Variants in NOP9 observed in about 807,000 individuals in gnomAD.
NOP9 encodes the protein NOP9 nucleolar protein.
Under a neutral mutation model 63.0 loss-of-function variants are expected in NOP9, and 50 were observed. That is an observed-to-expected ratio of 0.79 (90% CI 0.63 to 1.00). The LOEUF (loss-of-function observed/expected upper bound fraction) is 1.00, where lower values mean the gene tolerates loss of function less well. NOP9 is among the 50% of genes least tolerant of loss of function. NOP9 has a pLI of 0.00. For missense variants in NOP9, 758 were observed against 803.0 expected, an observed-to-expected ratio of 0.94 and a Z score of 0.68; for synonymous variants, 343 against 332.8, an observed-to-expected ratio of 1.03 and a Z score of -0.33.
At chr14:24,272,632 A>T in the NOP9 span, among the ~76,000 whole-genome samples, 1 of 152,202 alleles carries the variant, frequency 6.6e-6, no homozygotes. Flanking sequence ...TCTGTGCCTA[A>T]AAGTGCTGAG....
At chr14:24,303,235 A>G (rs767862721) in intron 6 of NOP9, 21 bp downstream of exon 6, 1 of 1,613,896 alleles carries the variant, frequency 6.2e-7, no homozygotes, top group South Asian at 1.1e-5. Context: ...ATTACCCACA[A>G]TCTGTTTATG....
Position 24,306,813 on chromosome 14 carries a change from G to A in NOP9, c.*1718G>A, listed in dbSNP as rs976210585. On this transcript the variant is annotated 3_prime_UTR_variant, in exon 10 of 10. Coordinates refer to ENST00000267425, the MANE Select transcript of NOP9 (RefSeq NM_174913.3). ...ATTGGAAAGCAAGCCAGGTTCTCAC[G>A]AAGTCCACCCTTCTGTCTTATCTAC... 2.2e-5 allele frequency: 10 copies of A among 458,378 alleles called. No homozygotes were observed. Among genetic ancestry groups the A allele is most frequent in the African/African-American group, 2.0e-4 (10 of 50,800 alleles). 28.4% of individuals were successfully genotyped at this position (458,378 alleles called of 1,614,324 possible).
At position 24,300,132 on chromosome 14, in the gene NOP9, G is replaced by A; in HGVS notation, c.178G>A (p.Glu60Lys). ...APDSHPHLSP[E>K]ALGYFRRALS... Reference sequence around the variant, plus strand: ...AGATTCGCACCCGCACCTGAGCCCGGAAGCTCTGGGATATTTCCGCCGGGC... The same window carrying A: ...AGATTCGCACCCGCACCTGAGCCCGAAAGCTCTGGGATATTTCCGCCGGGC... Residue 60 changes from glutamate to lysine, a missense_variant, in exon 1 of 10, where the codon GAA (glutamate) becomes AAA (lysine). Glu to Lys is a moderately conservative substitution (Grantham distance 56, BLOSUM62 1). Coordinates refer to ENST00000267425, the MANE Select transcript of NOP9 (RefSeq NM_174913.3). 1 of 1,613,918 alleles carries A rather than the reference G, an allele frequency of 6.2e-7. No individual in the cohort carries two copies. Among genetic ancestry groups the A allele is most frequent in the Non-Finnish European group, 8.5e-7 (1 of 1,179,994 alleles).
At chr14:24,291,408 T>G in the NOP9 span, 2 of 1,072,222 alleles carry the variant, frequency 1.9e-6, no homozygotes, top group African/African-American at 1.6e-5. Context: ...GACCTCAAAC[T>G]GGGAATGCTG....
the NOP9 span, among the ~76,000 whole-genome samples, chr14:24,286,317 C>T: frequency 6.6e-6 from 1 of 152,358 alleles, no homozygotes; most frequent in South Asian, 2.1e-4. Flanking sequence ...CTCACACCTT[C>T]ACTGCATCAC....
Position 24,304,123 on chromosome 14 carries a change from C to T in NOP9, c.1493C>T (p.Thr498Ile), listed in dbSNP as rs1196044813. The change falls in exon 8 of 10, where the codon ACT becomes ATT. Residue 498 changes from threonine to isoleucine, a missense_variant. Transcript: ENST00000267425. ...CTCCAGCATCTGCTGCACTTCTCCA[C>T]TCCTGGTCTTGTACTTCGAAGTCTG... ...LLLQHLLHFSTPGLVLRSLGA... is the reference protein window; with the variant it reads ...LLLQHLLHFSIPGLVLRSLGA... 1.9e-6 allele frequency: 3 copies of T among 1,614,142 alleles called. No individual in the cohort carries two copies. In the African/African-American group the frequency reaches 4.0e-5, roughly 22 times the overall value.
At chr14:24,299,002 G>A, upstream of NOP9, 1 of 1,613,906 alleles carries the variant, frequency 6.2e-7, no homozygotes, top group Non-Finnish European at 8.5e-7. Flanking sequence ...GGCCAGTGAT[G>A]TAAACTGTGG....
chr14:24,306,459 A>G lies in NOP9; in HGVS notation c.*1364A>G. The stretch of plus-strand genomic sequence containing the variant: ...CAGCTGGAAGAAGTCCTCACTGTCC[A>G]CTGCAGTTCCATCCTCCTCTAGCAC... On this transcript the variant is annotated 3_prime_UTR_variant, in exon 10 of 10. Coordinates refer to ENST00000267425, the MANE Select transcript of NOP9 (RefSeq NM_174913.3). 2 of 1,614,224 alleles carry G rather than the reference A, an allele frequency of 1.2e-6. No homozygotes were observed. The highest frequency in any genetic ancestry group is 1.7e-6 in the Non-Finnish European group (2 of 1,180,040).
chr14:24,295,796 C>T (rs925801076), upstream of NOP9, among the ~76,000 whole-genome samples: 1 of 152,184 alleles, frequency 6.6e-6, no homozygotes, highest in Non-Finnish European at 1.5e-5. Flanking sequence ...GGGATTGTTA[C>T]CAGAGTACCA....
In NOP9 at chr14:24,305,254, C is replaced by T; in HGVS notation, c.*159C>T. On this transcript the variant is annotated 3_prime_UTR_variant, in exon 10 of 10. Coordinates refer to ENST00000267425, the MANE Select transcript of NOP9 (RefSeq NM_174913.3). ...TAGTTTGAGGGGAAGGGTATGAAGA[C>T]AGATCTCAAGGTAAAGTCAGAGAGG... 4 of 808,620 alleles carry T rather than the reference C, an allele frequency of 4.9e-6. No homozygotes were observed. The South Asian group carries it at 1.1e-4, about 22-fold the overall frequency. 50.1% of individuals were successfully genotyped at this position (808,620 alleles called of 1,614,324 possible). A position where few individuals can be genotyped will look rare whatever the true frequency, so the allele number is the denominator to read the frequency against.
chr14:24,273,328 A>G, the NOP9 span, among the ~76,000 whole-genome samples: 1 of 152,028 alleles, frequency 6.6e-6, no homozygotes, highest in East Asian at 1.9e-4. Context: ...ACAGGCATGC[A>G]CCACCACACC....
At chr14:24,282,444 C>T in the NOP9 span, among the ~76,000 whole-genome samples, 1 of 152,104 alleles carries the variant, frequency 6.6e-6, no homozygotes, top group Non-Finnish European at 1.5e-5. Flanking sequence ...GCCCAATAAA[C>T]CTGAATTCTC....
Position 24,306,504 on chromosome 14 carries a change from A to G in NOP9, c.*1409A>G, listed in dbSNP as rs1183868350. On this transcript the variant is annotated 3_prime_UTR_variant, in exon 10 of 10. Transcript: ENST00000267425. ...TAGCACCAGGGTTAGCACTCCATTC[A>G]GCAGTAGGGTCTCCAATGCCTGCCC... 4 of 1,614,226 alleles carry G rather than the reference A, an allele frequency of 2.5e-6. No homozygotes were observed. The highest frequency in any genetic ancestry group is 1.1e-5 in the South Asian group (1 of 91,082).
the NOP9 span, chr14:24,291,719 C>A: frequency 1.5e-6 from 2 of 1,327,468 alleles, no homozygotes; most frequent in South Asian, 1.2e-5. Context: ...GAGAAAAAGA[C>A]CAAAGACCAA....
chr14:24,303,330 G>A, intron 6 of NOP9, 116 bp downstream of exon 6: 5 of 1,321,294 alleles, frequency 3.8e-6, no homozygotes, highest in Non-Finnish European at 5.4e-6. Context: ...TGCCCAAGGA[G>A]TTCACAGGAA....
chr14:24,291,679 GTC>G, the NOP9 span: 1 of 1,539,564 alleles, frequency 6.5e-7, no homozygotes, highest in East Asian at 2.2e-5. Context: ...CACTGCCCAG[GTC>G]TCCTCCCCAT....
chr14:24,274,438 AAACT>A, the NOP9 span, among the ~76,000 whole-genome samples: 1 of 152,140 alleles, frequency 6.6e-6, no homozygotes, highest in Admixed American at 6.5e-5. Context: ...AGAGAAAGCC[AAACT>A]AACTTAGCTG....
In NOP9 at chr14:24,307,353, G is replaced by A. The variant is rs369493334; in HGVS notation, c.*2258G>A. 2 of 1,607,584 alleles carry A rather than the reference G, an allele frequency of 1.2e-6. No homozygotes were observed. Among genetic ancestry groups the A allele is most frequent in the African/African-American group, 2.7e-5 (2 of 74,756 alleles). ...TGGCTACCCCTGCTATAGGAACCGA[G>A]GAACTTGGCCTACTTACTTTGGCTA... On this transcript the variant is annotated 3_prime_UTR_variant, in exon 10 of 10. Transcript: ENST00000267425.
At chr14:24,288,184 T>C in the NOP9 span, among the ~76,000 whole-genome samples, 2 of 152,188 alleles carry the variant, frequency 1.3e-5, no homozygotes, top group Admixed American at 1.3e-4. Context: ...ACTCACTGCC[T>C]TCAATAAATG....
Sources: allele counts gnomAD v4.1 joint callset (sites outside exome capture counted in the v4.1 genomes callset), GRCh38; gene constraint gnomAD v4.1.1; transcripts MANE v1.5; gene names NCBI Gene and HGNC (gene_info 2026-07-23, HGNC 2026-07-21).